Variants in FGF14 observed in about 807,000 individuals in gnomAD.
FGF14 encodes fibroblast growth factor homologous factor 4.
In FGF14, 5 loss-of-function variants were observed where a neutral mutation model predicts 25.5. The ratio of observed to expected loss-of-function variants is 0.20; its 90% CI spans 0.10 to 0.41. The LOEUF (loss-of-function observed/expected upper bound fraction) is 0.41, where lower values mean the gene tolerates loss of function less well. Among genes scored for constraint, FGF14 ranks in the 10% least tolerant of loss-of-function variants. The pLI is 1.00. For synonymous variants in FGF14, 138 were observed against 118.3 expected (o/e 1.17, Z -1.08); for missense variants, 222 against 320.1 (o/e 0.69, Z 2.34).
intron 1 of FGF14, among the ~76,000 whole-genome samples, chr13:102,060,611 T>A (rs2042641607): frequency 6.6e-6 from 1 of 152,226 alleles, no homozygotes; most frequent in Non-Finnish European, 1.5e-5. Flanking sequence ...CAATGTTTTT[T>A]AACTGGTAAA....
intron 1 of FGF14, among the ~76,000 whole-genome samples, chr13:101,888,057 T>C (rs930091409): frequency 6.6e-6 from 1 of 152,100 alleles, no homozygotes; most frequent in Non-Finnish European, 1.5e-5. Context: ...TGGGAGGAAG[T>C]CCAAAGTATT....
At chr13:102,163,424 A>G (rs375765803) in intron 1 of FGF14, among the ~76,000 whole-genome samples, 23 of 152,258 alleles carry the variant, frequency 1.5e-4, no homozygotes, top group African/African-American at 5.5e-4. Flanking sequence ...CCAGGGTTAT[A>G]AAGGTGAGGA....
At chr13:101,999,522 G>T (rs2039366613) in intron 1 of FGF14, among the ~76,000 whole-genome samples, 1 of 152,188 alleles carries the variant, frequency 6.6e-6, no homozygotes, top group Non-Finnish European at 1.5e-5. Context: ...TGGGAGGACA[G>T]AAGAATCCAT....
chr13:101,849,109 G>A (rs910062040), intron 3 of FGF14, among the ~76,000 whole-genome samples: 1 of 151,952 alleles, frequency 6.6e-6, no homozygotes, highest in African/African-American at 2.4e-5. Context: ...TTATTTGAAT[G>A]TGACATGTGC....
chr13:101,787,302 T>C (rs902836124), intron 3 of FGF14, among the ~76,000 whole-genome samples: 2 of 152,200 alleles, frequency 1.3e-5, no homozygotes, highest in Admixed American at 6.5e-5. Flanking sequence ...TAAAGTACCA[T>C]CTAGCATATT....
At chr13:102,352,615 A>AT (rs2057317391) in intron 1 of FGF14, among the ~76,000 whole-genome samples, 1 of 152,070 alleles carries the variant, frequency 6.6e-6, no homozygotes, top group Non-Finnish European at 1.5e-5. Flanking sequence ...GATCGAGACC[A>AT]TTCTGGCTAA....
At chr13:102,352,888 T>C (rs1236703509) in intron 1 of FGF14, among the ~76,000 whole-genome samples, 1 of 151,788 alleles carries the variant, frequency 6.6e-6, no homozygotes, top group Non-Finnish European at 1.5e-5. Flanking sequence ...AAAGTTTTCC[T>C]CTCAAAATAT....
intron 1 of FGF14, among the ~76,000 whole-genome samples, chr13:102,087,784 A>G (rs1261228617): frequency 2.0e-5 from 3 of 151,946 alleles, no homozygotes; most frequent in African/African-American, 7.3e-5. Context: ...AAATAGTATT[A>G]GATGTTGTCT....
At chr13:101,932,533 C>CCAAAAAA (rs2034824765) in intron 1 of FGF14, among the ~76,000 whole-genome samples, 1 of 79,072 alleles carries the variant, frequency 1.3e-5, no homozygotes, top group African/African-American at 5.3e-5. Context: ...GACTCCATGT[C>CCAAAAAA]AAAAAAAAAA....
chr13:101,962,972 A>G (rs532596871), intron 1 of FGF14, among the ~76,000 whole-genome samples: 1 of 152,352 alleles, frequency 6.6e-6, no homozygotes, highest in African/African-American at 2.4e-5. Flanking sequence ...CATCTTCCGT[A>G]GAACTGCCAT....
At chr13:102,052,007 G>A (rs927368242) in intron 1 of FGF14, among the ~76,000 whole-genome samples, 2 of 152,092 alleles carry the variant, frequency 1.3e-5, no homozygotes, top group Non-Finnish European at 2.9e-5. Flanking sequence ...AAACAATTCA[G>A]TTAATCAGGA....
At position 101,720,267 on chromosome 13, in the gene FGF14, T is replaced by TAAC. The variant is rs1046965593; in HGVS notation, c.*2561_*2563dup. On this transcript the variant is annotated 3_prime_UTR_variant, in exon 5 of 5. Coordinates refer to ENST00000376143, the MANE Select transcript of FGF14 (RefSeq NM_004115.4). ...GAGACCAGACACAAAGTAAATGACC[T>TAAC]AACTCAATTACAAATAACAAGGACC... 2 of 152,104 alleles carry TAAC rather than the reference T, an allele frequency of 1.3e-5. No homozygotes were observed. The highest frequency in any genetic ancestry group is 2.4e-5 in the African/African-American group (1 of 41,428). The allele number at this position is 152,104 out of a possible 1,614,324, so 9.4% of individuals were successfully genotyped here. A position where few individuals can be genotyped will look rare whatever the true frequency, so the allele number is the denominator to read the frequency against.
chr13:102,008,622 G>C (rs2039925783), intron 1 of FGF14, among the ~76,000 whole-genome samples: 1 of 152,140 alleles, frequency 6.6e-6, no homozygotes. Flanking sequence ...TAACAAGATG[G>C]TTGGTATATT....
intron 1 of FGF14, among the ~76,000 whole-genome samples, chr13:101,879,111 T>C (rs1306004393): frequency 6.6e-6 from 1 of 152,194 alleles, no homozygotes. Flanking sequence ...TAGTTCTTTA[T>C]TCTCTTCTGA....
intron 3 of FGF14, among the ~76,000 whole-genome samples, chr13:101,730,181 G>A (rs75616667): frequency 0.012 from 1,787 of 152,284 alleles, 30 homozygotes; most frequent in African/African-American, 0.04. Flanking sequence ...TGATTCGTAT[G>A]TTATAAATAC....
intron 3 of FGF14, among the ~76,000 whole-genome samples, chr13:101,852,119 A>G (rs1467030389): frequency 6.6e-5 from 10 of 152,108 alleles, no homozygotes; most frequent in Admixed American, 5.9e-4. Flanking sequence ...CACTTATGCT[A>G]CTGAGGTGTT....
intron 1 of FGF14, among the ~76,000 whole-genome samples, chr13:102,071,376 G>C (rs2043147738): frequency 6.6e-6 from 1 of 152,144 alleles, no homozygotes; most frequent in Non-Finnish European, 1.5e-5. Context: ...TTGATGATCT[G>C]ATGCTTCAGC....
intron 1 of FGF14, among the ~76,000 whole-genome samples, chr13:102,223,940 C>T (rs910786482): frequency 1.6e-4 from 24 of 151,964 alleles, no homozygotes; most frequent in Non-Finnish European, 1.0e-4. Flanking sequence ...GACAGAATAA[C>T]ATAATGGTAA....
intron 3 of FGF14, among the ~76,000 whole-genome samples, chr13:101,781,181 C>G (rs2039471215): frequency 6.6e-6 from 1 of 152,046 alleles, no homozygotes; most frequent in African/African-American, 2.4e-5. Flanking sequence ...AGTTGTATGT[C>G]CCTTGAGTGC....
Sources: gnomAD v4.1 joint callset for allele counts (sites outside exome capture counted in the v4.1 genomes callset) on GRCh38, gnomAD v4.1.1 for gene constraint, MANE v1.5 for transcripts, NCBI Gene and HGNC (gene_info 2026-07-23, HGNC 2026-07-21) for gene names.